The following CCDC102B variants were observed in gnomAD, a reference collection of about 807,000 sequenced individuals.
CCDC102B encodes coiled-coil domain containing 102B, also known as coiled-coil domain-containing protein 102B.
Under a neutral mutation model 57.4 loss-of-function variants are expected in CCDC102B, and 75 were observed. The ratio of observed to expected loss-of-function variants is 1.31; its 90% CI spans 1.08 to 1.58. The LOEUF (loss-of-function observed/expected upper bound fraction) is 1.58. CCDC102B is among the 40% of genes most tolerant of loss of function. The pLI, the probability that CCDC102B is intolerant of heterozygous loss-of-function variation, is 0.00. For missense variants in CCDC102B, 636 were observed against 582.6 expected (o/e 1.09, Z -0.94); for synonymous variants, 206 against 201.9 (o/e 1.02, Z -0.17).
intron 6 of CCDC102B, among the ~76,000 whole-genome samples, chr18:68,945,305 T>G (rs2145181351): frequency 6.6e-6 from 1 of 152,216 alleles, no homozygotes; most frequent in East Asian, 1.9e-4. Flanking sequence ...ATAGTATCAA[T>G]GAATCATCTG....
chr18:68,900,966 C>T (rs1238804223), intron 6 of CCDC102B, among the ~76,000 whole-genome samples: 2 of 152,020 alleles, frequency 1.3e-5, no homozygotes, highest in African/African-American at 2.4e-5. Context: ...TAACGTTGTC[C>T]CACACGTTTA....
At chr18:68,923,609 TAAC>T (rs2041366001) in intron 6 of CCDC102B, among the ~76,000 whole-genome samples, 1 of 152,060 alleles carries the variant, frequency 6.6e-6, no homozygotes, top group Admixed American at 6.6e-5. Context: ...TGAGAATATG[TAAC>T]AAGAAGCAAG....
chr18:68,744,455 A>C (rs1461683314), intron 2 of CCDC102B, among the ~76,000 whole-genome samples: 1 of 152,218 alleles, frequency 6.6e-6, no homozygotes, highest in African/African-American at 2.4e-5. Flanking sequence ...AAACAATATA[A>C]CACAGAGAAA....
intron 7 of CCDC102B, among the ~76,000 whole-genome samples, chr18:69,031,793 T>C (rs1449606374): frequency 6.6e-6 from 1 of 152,108 alleles, no homozygotes; most frequent in Non-Finnish European, 1.5e-5. Flanking sequence ...GGTGTCTTAA[T>C]ATAATAACTG....
intron 6 of CCDC102B, among the ~76,000 whole-genome samples, chr18:68,953,409 G>A (rs1435668788): frequency 7.3e-6 from 1 of 137,132 alleles, no homozygotes; most frequent in Non-Finnish European, 1.5e-5. Flanking sequence ...GAGGTGGTAT[G>A]TCATTGTAGT....
At chr18:68,903,124 T>A (rs2040509599) in intron 6 of CCDC102B, among the ~76,000 whole-genome samples, 1 of 152,150 alleles carries the variant, frequency 6.6e-6, no homozygotes, top group Non-Finnish European at 1.5e-5. Flanking sequence ...TCAGGATGAA[T>A]GGATATCTAA....
chr18:68,835,634 A>G (rs1298168583), intron 1 of CCDC102B, among the ~76,000 whole-genome samples: 1 of 152,208 alleles, frequency 6.6e-6, no homozygotes, highest in Non-Finnish European at 1.5e-5. Context: ...TCATAACTTA[A>G]ATAAATATAG....
intron 1 of CCDC102B, among the ~76,000 whole-genome samples, chr18:68,820,419 T>C (rs1190185305): frequency 6.6e-6 from 1 of 152,122 alleles, no homozygotes; most frequent in Non-Finnish European, 1.5e-5. Flanking sequence ...TCGTGATATA[T>C]TAATTGTTTT....
At chr18:68,763,214 A>C (rs889330575) in intron 2 of CCDC102B, among the ~76,000 whole-genome samples, 1 of 152,066 alleles carries the variant, frequency 6.6e-6, no homozygotes, top group African/African-American at 2.4e-5. Context: ...TTTTTAAATG[A>C]ATCATCTCCC....
intron 7 of CCDC102B, among the ~76,000 whole-genome samples, chr18:69,020,920 A>G (rs574411597): frequency 2.8e-4 from 43 of 152,362 alleles, no homozygotes; most frequent in Admixed American, 3.9e-4. Context: ...AAAAATAAAC[A>G]TGGGAAACAT....
chr18:68,957,350 C>A (rs1345575408), intron 6 of CCDC102B, among the ~76,000 whole-genome samples: 2 of 152,016 alleles, frequency 1.3e-5, no homozygotes, highest in East Asian at 1.9e-4. Context: ...GTTTTCCCAG[C>A]ATCATTTCTT....
At chr18:68,878,389 C>T (rs761887931) in intron 5 of CCDC102B, among the ~76,000 whole-genome samples, 15 of 152,274 alleles carry the variant, frequency 9.9e-5, no homozygotes, top group Admixed American at 5.2e-4. Flanking sequence ...TGAGCCACCA[C>T]GCCTGGGCTA....
intron 6 of CCDC102B, among the ~76,000 whole-genome samples, chr18:68,956,507 A>T (rs1381395485): frequency 4.2e-4 from 8 of 18,972 alleles, no homozygotes; most frequent in African/African-American, 2.6e-3. Context: ...AATATATAAT[A>T]TATATATCGC....
Position 69,022,222 on chromosome 18 carries a change from T to TATATATATATATATATATATAAAA in CCDC102B, c.1434+11119_1434+11120insTATATATATATATATATATAAAAA, listed in dbSNP as rs1395799223. Among the ~76,000 whole-genome samples the TATATATATATATATATATATAAAA allele has an allele frequency of 1.4e-4, 13 of 94,994 alleles. No individual in the cohort carries two copies. The East Asian group carries it at 3.1e-3, about 22-fold the overall frequency. 62.3% of individuals were successfully genotyped at this position (94,994 alleles called of 152,430 possible). On this transcript the variant is annotated intron_variant, in intron 7 of 7. Coordinates refer to ENST00000360242, the MANE Select transcript of CCDC102B (RefSeq NM_024781.3). ...ATATATATATATATATATATATATA[T>TATATATATATATATATATATAAAA]AACACACACACACGCGTGCGTGTGC...
At chr18:68,775,696 C>T (rs1412639598) in intron 2 of CCDC102B, among the ~76,000 whole-genome samples, 1 of 148,096 alleles carries the variant, frequency 6.8e-6, no homozygotes, top group Non-Finnish European at 1.5e-5. Context: ...GCTCTGTCGC[C>T]AGGCTGGAGT....
At chr18:68,920,814 C>G (rs1240790197) in intron 6 of CCDC102B, among the ~76,000 whole-genome samples, 1 of 152,094 alleles carries the variant, frequency 6.6e-6, no homozygotes, top group Middle Eastern at 3.2e-3. Context: ...ATAGGGGAAA[C>G]TGACCTCATG....
At chr18:69,026,398 T>G in intron 7 of CCDC102B, among the ~76,000 whole-genome samples, 1 of 137,324 alleles carries the variant, frequency 7.3e-6, no homozygotes, top group African/African-American at 2.8e-5. Flanking sequence ...AGCCTGGAAG[T>G]GGAGGTTGCG....
rs373343638 is a variant in CCDC102B at position 68,873,511 on chromosome 18, C to T, written c.937-1158C>T. On this transcript the variant is annotated intron_variant, in intron 4 of 7. Coordinates refer to ENST00000360242, the MANE Select transcript of CCDC102B (RefSeq NM_024781.3). Reference sequence around the variant, plus strand: ...GCAAGAACTTTCTTAAAATTTGCTTCCTCCAGTTATTATCTTTGTGAATTT... The same window carrying T: ...GCAAGAACTTTCTTAAAATTTGCTTTCTCCAGTTATTATCTTTGTGAATTT... 2.6e-5 allele frequency among the ~76,000 whole-genome samples: 4 copies of T among 152,158 alleles called. No individual in the cohort carries two copies. The East Asian group carries it at 5.8e-4, about 22-fold the overall frequency.
intron 2 of CCDC102B, among the ~76,000 whole-genome samples, chr18:68,780,025 C>T (rs751025420): frequency 2.0e-5 from 3 of 152,234 alleles, no homozygotes; most frequent in Admixed American, 6.5e-5. Flanking sequence ...CCTGATCTCT[C>T]GCTATCCTCA....
Sources: allele counts gnomAD v4.1 joint callset (sites outside exome capture counted in the v4.1 genomes callset), GRCh38; gene constraint gnomAD v4.1.1; transcripts MANE v1.5; gene names NCBI Gene and HGNC (gene_info 2026-07-23, HGNC 2026-07-21).